The following LYZL4 variants were observed in gnomAD, a reference collection of about 807,000 sequenced individuals.
LYZL4 encodes lysozyme-like protein 4.
Under a neutral mutation model 17.6 loss-of-function variants are expected in LYZL4, and 13 were observed. That is an observed-to-expected ratio of 0.74 (90% CI 0.48 to 1.18). The LOEUF is 1.18. Ranked by LOEUF, LYZL4 falls within the 50% of genes most tolerant of loss-of-function variation. The pLI, the probability that LYZL4 is intolerant of heterozygous loss-of-function variation, is 0.00. For synonymous variants in LYZL4, 64 were observed against 67.7 expected, an observed-to-expected ratio of 0.95 and a Z score of 0.27; for missense variants, 174 against 188.2, an observed-to-expected ratio of 0.92 and a Z score of 0.44.
the LYZL4 span, among the ~76,000 whole-genome samples, chr3:42,382,636 AC>A: frequency 6.6e-6 from 1 of 151,976 alleles, no homozygotes; most frequent in African/African-American, 2.4e-5. Flanking sequence ...GAGATGACCA[AC>A]TTTCCAGGGG....
chr3:42,395,881 T>C (rs1290150324), downstream of LYZL4, among the ~76,000 whole-genome samples: 1 of 152,010 alleles, frequency 6.6e-6, no homozygotes, highest in Non-Finnish European at 1.5e-5. Context: ...GCCAACATGG[T>C]GAAACCCCGT....
At chr3:42,373,056 A>G in the LYZL4 span, among the ~76,000 whole-genome samples, 2 of 152,092 alleles carry the variant, frequency 1.3e-5, no homozygotes, top group African/African-American at 4.8e-5. Context: ...AAACCAAAAA[A>G]AAATTTTAGC....
Position 42,404,096 on chromosome 3 carries a change from T to C in LYZL4, c.321A>G (p.Thr107=). ...SALLNPNLEK[T]IKCAKTIVKG... Reference sequence around the variant, plus strand: ...TTACAATGGTCTTGGCACATTTAATTGTCTTCTCTAAATTAGGATTCAGTA... The same window carrying C: ...TTACAATGGTCTTGGCACATTTAATCGTCTTCTCTAAATTAGGATTCAGTA... The change falls in exon 4 of 5, where the codon ACA becomes ACG. Residue 107 remains threonine, a synonymous_variant. Transcript: ENST00000287748. The C allele has an allele frequency of 6.2e-7, 1 of 1,612,666 alleles. No homozygotes were observed.
At chr3:42,373,825 G>C in the LYZL4 span, among the ~76,000 whole-genome samples, 1 of 152,078 alleles carries the variant, frequency 6.6e-6, no homozygotes, top group Admixed American at 6.5e-5. Flanking sequence ...AATTCCCACT[G>C]GGTTTGAATT....
At chr3:42,402,625 GGT>G (rs1559455018) in intron 4 of LYZL4, among the ~76,000 whole-genome samples, 1 of 152,008 alleles carries the variant, frequency 6.6e-6, no homozygotes, top group African/African-American at 2.4e-5. Flanking sequence ...TACCAAGCGT[GGT>G]TGAGAATGTG....
At chr3:42,394,990 G>A (rs1253574046), downstream of LYZL4, among the ~76,000 whole-genome samples, 1 of 152,174 alleles carries the variant, frequency 6.6e-6, no homozygotes, top group Non-Finnish European at 1.5e-5. Flanking sequence ...TAAAAAAGTT[G>A]ATCAAAGCTT....
the LYZL4 span, among the ~76,000 whole-genome samples, chr3:42,389,712 C>G: frequency 6.6e-6 from 1 of 152,170 alleles, no homozygotes; most frequent in African/African-American, 2.4e-5. Flanking sequence ...ACAAAGGTGG[C>G]TTTATGTATG....
At chr3:42,383,382 A>T in the LYZL4 span, among the ~76,000 whole-genome samples, 1 of 146,386 alleles carries the variant, frequency 6.8e-6, no homozygotes, top group Non-Finnish European at 1.5e-5. Context: ...GTCCAGCCGG[A>T]TGGCTCCATG....
chr3:42,373,564 T>C, the LYZL4 span, among the ~76,000 whole-genome samples: 98 of 152,264 alleles, frequency 6.4e-4, no homozygotes, highest in African/African-American at 2.2e-3. Flanking sequence ...CATGTGTGTG[T>C]GCAGGTCCTT....
At chr3:42,389,091 G>T in the LYZL4 span, among the ~76,000 whole-genome samples, 3 of 152,222 alleles carry the variant, frequency 2.0e-5, no homozygotes, top group Non-Finnish European at 4.4e-5. Context: ...AGCTCCACTT[G>T]CACCTGCTTC....
the LYZL4 span, among the ~76,000 whole-genome samples, chr3:42,384,882 G>A: frequency 7.2e-5 from 11 of 152,058 alleles, no homozygotes; most frequent in Admixed American, 5.9e-4. Context: ...CCAAGAAGTA[G>A]GAAAAGAGCA....
At chr3:42,403,142 A>C (rs966321236) in intron 4 of LYZL4, among the ~76,000 whole-genome samples, 4 of 152,274 alleles carry the variant, frequency 2.6e-5, no homozygotes, top group Non-Finnish European at 5.9e-5. Flanking sequence ...GAATTTTAAA[A>C]TAGGCAAAGA....
At chr3:42,390,986 G>A in the LYZL4 span, among the ~76,000 whole-genome samples, 1 of 152,260 alleles carries the variant, frequency 6.6e-6, no homozygotes, top group East Asian at 1.9e-4. Flanking sequence ...TATATGACCA[G>A]CTCATTTTAA....
At chr3:42,366,335 G>A in the LYZL4 span, among the ~76,000 whole-genome samples, 4 of 152,164 alleles carry the variant, frequency 2.6e-5, no homozygotes, top group African/African-American at 4.8e-5. Flanking sequence ...GCCAGAACAC[G>A]GGGAGTAGAG....
chr3:42,390,154 AAG>A, the LYZL4 span, among the ~76,000 whole-genome samples: 1 of 152,184 alleles, frequency 6.6e-6, no homozygotes, highest in African/African-American at 2.4e-5. Context: ...GAACAAGACT[AAG>A]AGATTGGTGG....
At chr3:42,385,019 T>C in the LYZL4 span, among the ~76,000 whole-genome samples, 1 of 152,056 alleles carries the variant, frequency 6.6e-6, no homozygotes, top group African/African-American at 2.4e-5. Flanking sequence ...CGACAAAATC[T>C]ATTTTGCTTT....
At chr3:42,407,996 G>T (rs545814785) in intron 1 of LYZL4, among the ~76,000 whole-genome samples, 5 of 152,070 alleles carry the variant, frequency 3.3e-5, no homozygotes, top group Non-Finnish European at 1.5e-5. Flanking sequence ...GGAGGGGAGC[G>T]CACTCAGAGA....
the LYZL4 span, among the ~76,000 whole-genome samples, chr3:42,375,648 G>A: frequency 4.6e-5 from 7 of 152,188 alleles, no homozygotes; most frequent in East Asian, 7.7e-4. Context: ...AGGCAGGCTG[G>A]GGGCTGAGGA....
chr3:42,376,682 A>T, the LYZL4 span, among the ~76,000 whole-genome samples: 2 of 152,164 alleles, frequency 1.3e-5, no homozygotes, highest in African/African-American at 4.8e-5. Context: ...TATGAGCAGC[A>T]CCTGGCCCTA....
Sources: allele counts gnomAD v4.1 joint callset (sites outside exome capture counted in the v4.1 genomes callset), GRCh38; gene constraint gnomAD v4.1.1; transcripts MANE v1.5; gene names NCBI Gene and HGNC (gene_info 2026-07-23, HGNC 2026-07-21).